ABI3BP: variants seen among roughly 807,000 people sequenced by gnomAD.
ABI3BP encodes target of Nesh-SH3.
In ABI3BP, 216 loss-of-function variants were observed where a neutral mutation model predicts 268.6. The observed-to-expected ratio is 0.80, with a 90% CI of 0.72 to 0.90. The LOEUF (loss-of-function observed/expected upper bound fraction) is 0.90, where lower values mean the gene tolerates loss of function less well. Among genes scored for constraint, ABI3BP ranks in the 40% least tolerant of loss-of-function variants. ABI3BP has a pLI of 0.00. For missense variants in ABI3BP, 2,090 were observed against 2,182.4 expected, an observed-to-expected ratio of 0.96 and a Z score of 0.84; for synonymous variants, 730 against 730.0, an observed-to-expected ratio of 1.00 and a Z score of 0.00.
At chr3:100,851,196 T>C (rs1160377787) in intron 15 of ABI3BP, among the ~76,000 whole-genome samples, 1 of 152,172 alleles carries the variant, frequency 6.6e-6, no homozygotes, top group African/African-American at 2.4e-5. Context: ...GTACCCAGTT[T>C]AGTAGGTGTT....
chr3:100,978,938 G>C (rs2153938864), intron 1 of ABI3BP, among the ~76,000 whole-genome samples: 1 of 152,316 alleles, frequency 6.6e-6, no homozygotes, highest in East Asian at 1.9e-4. Context: ...AGTGAAAGTG[G>C]GGGAGGTTAG....
At chr3:100,770,232 T>C (rs982995815) in intron 62 of ABI3BP, among the ~76,000 whole-genome samples, 8 of 152,170 alleles carry the variant, frequency 5.3e-5, no homozygotes, top group Non-Finnish European at 4.4e-5. Flanking sequence ...GGTTTCTTAG[T>C]TTTTACAATC....
At chr3:100,955,496 T>G (rs1428026665) in intron 1 of ABI3BP, among the ~76,000 whole-genome samples, 1 of 152,230 alleles carries the variant, frequency 6.6e-6, no homozygotes, top group Non-Finnish European at 1.5e-5. Context: ...TTGACTTATT[T>G]GTTTCTTTTC....
intron 33 of ABI3BP, 93 bp from the exon 34 acceptor site, chr3:100,828,545 A>G (rs2152763358): frequency 8.7e-7 from 1 of 1,153,094 alleles, no homozygotes. Flanking sequence ...AGGTCATGAC[A>G]TATCTGTCCA....
intron 1 of ABI3BP, chr3:100,945,577 T>TA: frequency 2.3e-6 from 1 of 430,340 alleles, no homozygotes; most frequent in East Asian, 7.2e-5. Flanking sequence ...TAAATGGACT[T>TA]ACATGACATG....
chr3:100,766,799 T>TA (rs2096287393), intron 62 of ABI3BP, among the ~76,000 whole-genome samples: 1 of 152,188 alleles, frequency 6.6e-6, no homozygotes, highest in African/African-American at 2.4e-5. Flanking sequence ...ACCCAAACAA[T>TA]AAACCCCACT....
chr3:100,841,220 T>TTTTTTTTTTTTTTTG (rs1560681726), intron 21 of ABI3BP, among the ~76,000 whole-genome samples: 1 of 119,548 alleles, frequency 8.4e-6, no homozygotes, highest in South Asian at 2.8e-4. Flanking sequence ...TTTTTTTTTT[T>TTTTTTTTTTTTTTTG]TTTTTTTGCT....
chr3:100,956,244 CACACACACACACACACATAT>C (rs1032284602), intron 1 of ABI3BP, among the ~76,000 whole-genome samples: 2 of 147,254 alleles, frequency 1.4e-5, no homozygotes, highest in African/African-American at 5.1e-5. Flanking sequence ...CACACACACA[CACACACACACACACACATAT>C]GGCATGTCAA....
At chr3:100,893,175 G>A (rs979304255) in intron 4 of ABI3BP, among the ~76,000 whole-genome samples, 5 of 152,140 alleles carry the variant, frequency 3.3e-5, no homozygotes, top group Admixed American at 2.0e-4. Flanking sequence ...CAGACTTCAA[G>A]TTTTCAGCTT....
chr3:100,811,051 G>A (rs2097850581), intron 48 of ABI3BP, among the ~76,000 whole-genome samples, 179 bp downstream of exon 48: 1 of 152,120 alleles, frequency 6.6e-6, no homozygotes, highest in South Asian at 2.1e-4. Flanking sequence ...ACAACTGAAT[G>A]GGAGGAAGGA....
rs376449327 is a variant in ABI3BP at position 100,874,847 on chromosome 3, G to T, written c.904C>A (p.Gln302Lys). 6.3e-7 allele frequency: 1 copy of T among 1,585,538 alleles called. No homozygotes were observed. The highest frequency in any genetic ancestry group is 1.8e-5 in the Admixed American group (1 of 57,106). The stretch of plus-strand genomic sequence containing the variant: ...ACAAAACTTTTCTGCTTACCTAATT[G>T]TGTCTTGAGTGCATCTGAAATCTCA... ...MFEISDALKTQLAKNETLALP... is the reference protein window; with the variant it reads ...MFEISDALKTKLAKNETLALP... Residue 302 changes from glutamine to lysine, a missense_variant, in exon 9 of 68, where the codon CAA (glutamine) becomes AAA (lysine). Transcript: ENST00000471714.
chr3:100,830,683 A>G, intron 31 of ABI3BP, 49 bp from the exon 32 acceptor site: 1 of 1,446,346 alleles, frequency 6.9e-7, no homozygotes, highest in Non-Finnish European at 9.3e-7. Flanking sequence ...GAATGCATGA[A>G]ATGTTGGAAC....
intron 14 of ABI3BP, among the ~76,000 whole-genome samples, chr3:100,858,167 T>G (rs2098959780): frequency 6.6e-6 from 1 of 152,254 alleles, no homozygotes; most frequent in Non-Finnish European, 1.5e-5. Context: ...AATTTTATAT[T>G]CTGATACATA....
chr3:100,942,860 C>T (rs937023511), intron 1 of ABI3BP, among the ~76,000 whole-genome samples: 3 of 151,914 alleles, frequency 2.0e-5, no homozygotes, highest in Non-Finnish European at 4.4e-5. Context: ...TTCAGTGCAT[C>T]GACAATAAAA....
intron 49 of ABI3BP, 63 bp from the exon 50 acceptor site, chr3:100,808,298 C>T: frequency 7.9e-7 from 1 of 1,270,822 alleles, no homozygotes; most frequent in East Asian, 2.4e-5. Context: ...ACCTAAGCCT[C>T]TAGAAGCTCA....
chr3:100,819,314 T>A (rs1287102775), intron 40 of ABI3BP, among the ~76,000 whole-genome samples: 1 of 152,198 alleles, frequency 6.6e-6, no homozygotes, highest in Non-Finnish European at 1.5e-5. Flanking sequence ...ATCTTTAAGA[T>A]TTTAAGACCC....
chr3:100,920,207 C>T (rs1016845131), intron 2 of ABI3BP, among the ~76,000 whole-genome samples: 4 of 152,174 alleles, frequency 2.6e-5, no homozygotes, highest in Non-Finnish European at 5.9e-5. Context: ...AACCACAAAA[C>T]TGCCACTTAG....
At chr3:100,786,163 C>G (rs2097036829) in intron 57 of ABI3BP, among the ~76,000 whole-genome samples, 1 of 152,070 alleles carries the variant, frequency 6.6e-6, no homozygotes, top group Non-Finnish European at 1.5e-5. Context: ...TCCCAATCAA[C>G]AAATAAAAGA....
intron 9 of ABI3BP, among the ~76,000 whole-genome samples, chr3:100,869,329 GGTTT>G (rs1561057715): frequency 4.2e-4 from 21 of 50,142 alleles, no homozygotes; most frequent in Admixed American, 1.6e-3. Context: ...TCTTCTTTTT[GGTTT>G]TTTTTTTTTT....
Sources: allele counts gnomAD v4.1 joint callset (sites outside exome capture counted in the v4.1 genomes callset), GRCh38; gene constraint gnomAD v4.1.1; transcripts MANE v1.5; gene names NCBI Gene and HGNC (gene_info 2026-07-23, HGNC 2026-07-21).